The following WWOX variants were observed in gnomAD, a reference collection of about 807,000 sequenced individuals.
WWOX encodes WW domain containing oxidoreductase.
A neutral mutation model predicts 46.2 loss-of-function variants in WWOX; 69 were observed. The observed-to-expected ratio is 1.49, with a 90% CI of 1.23 to 1.82. The LOEUF (loss-of-function observed/expected upper bound fraction) is 1.82, where lower values mean the gene tolerates loss of function less well. Ranked by LOEUF, WWOX falls within the 40% of genes most tolerant of loss-of-function variation. The pLI, the probability that WWOX is intolerant of heterozygous loss-of-function variation, is 0.00. For synonymous variants in WWOX, 359 were observed against 202.6 expected (o/e 1.77, Z -6.56); for missense variants, 919 against 542.6 (o/e 1.69, Z -6.89).
chr16:79,060,569 G>A (rs1341261643), intron 8 of WWOX, among the ~76,000 whole-genome samples: 1 of 152,226 alleles, frequency 6.6e-6, no homozygotes, highest in Non-Finnish European at 1.5e-5. Context: ...CCTTCTAAGG[G>A]CTTGGCAAAC....
chr16:78,978,473 G>T (rs560790870), intron 8 of WWOX, among the ~76,000 whole-genome samples: 86 of 152,292 alleles, frequency 5.6e-4, no homozygotes, highest in African/African-American at 1.9e-3. Context: ...AGGGGTTCCA[G>T]TTTCTCACAC....
At chr16:78,934,446 C>G (rs1214795409) in intron 8 of WWOX, among the ~76,000 whole-genome samples, 1 of 142,650 alleles carries the variant, frequency 7.0e-6, no homozygotes, top group Non-Finnish European at 1.5e-5. Context: ...GAGGTCAAGG[C>G]TGCAGTGAAC....
chr16:78,853,904 G>A (rs1314563023), intron 8 of WWOX, among the ~76,000 whole-genome samples: 3 of 152,160 alleles, frequency 2.0e-5, no homozygotes, highest in African/African-American at 2.4e-5. Flanking sequence ...AGACATTGAT[G>A]TAATTTAAAA....
At chr16:79,047,287 G>A (rs760514888) in intron 8 of WWOX, among the ~76,000 whole-genome samples, 95 of 152,300 alleles carry the variant, frequency 6.2e-4, no homozygotes, top group Non-Finnish European at 1.3e-3. Flanking sequence ...TGAGAAGCAA[G>A]TCTTAATAGT....
At chr16:78,659,557 C>G (rs889819128) in intron 8 of WWOX, among the ~76,000 whole-genome samples, 1 of 152,114 alleles carries the variant, frequency 6.6e-6, no homozygotes, top group Non-Finnish European at 1.5e-5. Flanking sequence ...AAAAACCTTT[C>G]GAGACATCAT....
chr16:79,022,106 G>T (rs1365202362), intron 8 of WWOX, among the ~76,000 whole-genome samples: 4 of 152,222 alleles, frequency 2.6e-5, no homozygotes, highest in African/African-American at 9.6e-5. Flanking sequence ...GAAACCATGA[G>T]TGCAGAGGCA....
intron 8 of WWOX, among the ~76,000 whole-genome samples, chr16:79,028,385 T>A (rs2047687970): frequency 6.6e-6 from 1 of 151,932 alleles, no homozygotes; most frequent in South Asian, 2.1e-4. Flanking sequence ...CCAGACATTC[T>A]ACCTATGTTT....
intron 8 of WWOX, among the ~76,000 whole-genome samples, chr16:78,690,474 C>A (rs924172809): frequency 2.0e-5 from 3 of 152,028 alleles, no homozygotes; most frequent in Non-Finnish European, 4.4e-5. Flanking sequence ...ATTGCTTGGG[C>A]CCTGGACGTC....
chr16:78,195,303 G>T (rs2036013362), intron 5 of WWOX, among the ~76,000 whole-genome samples: 1 of 152,108 alleles, frequency 6.6e-6, no homozygotes, highest in Non-Finnish European at 1.5e-5. Context: ...GCCTCCACCT[G>T]GCAGTTCTAC....
At chr16:79,028,388 CTA>C (rs1213279810) in intron 8 of WWOX, among the ~76,000 whole-genome samples, 1 of 151,894 alleles carries the variant, frequency 6.6e-6, no homozygotes, top group Non-Finnish European at 1.5e-5. Flanking sequence ...GACATTCTAC[CTA>C]TGTTTTCACA....
At chr16:78,496,473 G>A (rs967529217) in intron 8 of WWOX, 3 of 152,202 alleles carry the variant, frequency 2.0e-5, no homozygotes, top group African/African-American at 4.8e-5. Flanking sequence ...GTGTTAGCAC[G>A]GGGTTGGCAT....
intron 8 of WWOX, among the ~76,000 whole-genome samples, chr16:78,635,671 A>G (rs1419429106): frequency 6.6e-6 from 1 of 152,170 alleles, no homozygotes; most frequent in Non-Finnish European, 1.5e-5. Context: ...CACAGGCACT[A>G]AGACGGTGAG....
chr16:78,701,982 G>A (rs887031571), intron 8 of WWOX, among the ~76,000 whole-genome samples: 1 of 126,068 alleles, frequency 7.9e-6, no homozygotes, highest in African/African-American at 3.1e-5. Flanking sequence ...CCCAGGAGTT[G>A]GAGACTAGCC....
chr16:79,206,658 C>T (rs2150846608), intron 8 of WWOX: 1 of 152,296 alleles, frequency 6.6e-6, no homozygotes, highest in South Asian at 2.1e-4. Flanking sequence ...TTGGAGTAGA[C>T]ATCTCTGTTC....
intron 8 of WWOX, among the ~76,000 whole-genome samples, chr16:79,058,051 A>C (rs2048294612): frequency 6.6e-6 from 1 of 150,640 alleles, no homozygotes. Context: ...TGAAAACATC[A>C]CTTTTCCTCC....
rs1466049971 is a variant in WWOX at position 78,215,743 on chromosome 16, C to G, written c.516+51454C>G. Among the ~76,000 whole-genome samples the G allele has an allele frequency of 2.6e-5, 4 of 152,106 alleles. No individual in the cohort carries two copies. The East Asian group carries it at 7.8e-4, about 29-fold the overall frequency. Reference sequence around the variant, plus strand: ...AAGAGTTTGAGACCATCCTGGCCAACATGGTGAAACCCTGCCTCTACTAAA... The same window carrying G: ...AAGAGTTTGAGACCATCCTGGCCAAGATGGTGAAACCCTGCCTCTACTAAA... On this transcript the variant is annotated intron_variant, in intron 5 of 8. Transcript: ENST00000566780.
At chr16:78,262,627 C>T (rs1461813508) in intron 5 of WWOX, among the ~76,000 whole-genome samples, 1 of 152,086 alleles carries the variant, frequency 6.6e-6, no homozygotes, top group Non-Finnish European at 1.5e-5. Context: ...GAAGTATAAT[C>T]TAATGAGAAC....
intron 8 of WWOX, among the ~76,000 whole-genome samples, chr16:78,651,113 A>G (rs994263204): frequency 8.5e-5 from 13 of 152,354 alleles, no homozygotes; most frequent in Non-Finnish European, 1.6e-4. Flanking sequence ...CCCAAGGCCC[A>G]GGTACCTGGC....
At chr16:79,134,270 A>G (rs1288532506) in intron 8 of WWOX, among the ~76,000 whole-genome samples, 1 of 152,188 alleles carries the variant, frequency 6.6e-6, no homozygotes, top group Non-Finnish European at 1.5e-5. Flanking sequence ...GGTAGTCACT[A>G]TCTGGGACTG....
Sources: allele counts gnomAD v4.1 joint callset (sites outside exome capture counted in the v4.1 genomes callset), GRCh38; gene constraint gnomAD v4.1.1; transcripts MANE v1.5; gene names NCBI Gene and HGNC (gene_info 2026-07-23, HGNC 2026-07-21).